Variants in GDF5 observed in about 807,000 individuals in gnomAD.
The protein encoded by GDF5 is growth differentiation factor 5.
In GDF5, 17 loss-of-function variants were observed where a neutral mutation model predicts 34.6. That is an observed-to-expected ratio of 0.49 (90% confidence interval 0.34 to 0.74). GDF5 has a LOEUF of 0.74. GDF5 is among the 30% of genes least tolerant of loss of function. GDF5 has a pLI of 0.01. For synonymous variants in GDF5, 332 were observed against 290.7 expected, an observed-to-expected ratio of 1.14 and a Z score of -1.44; for missense variants, 616 against 661.2, an observed-to-expected ratio of 0.93 and a Z score of 0.75.
At chr20:35,443,610 C>T (rs753838789) in intron 1 of GDF5, among the ~76,000 whole-genome samples, 7 of 152,036 alleles carry the variant, frequency 4.6e-5, no homozygotes, top group Admixed American at 1.3e-4. Context: ...CTCCCAGGTT[C>T]GAGCGATTCT....
intron 1 of GDF5, among the ~76,000 whole-genome samples, chr20:35,452,814 T>C (rs1176335363): frequency 2.6e-5 from 4 of 152,220 alleles, no homozygotes; most frequent in African/African-American, 9.6e-5. Flanking sequence ...GATTCATTCA[T>C]TCAATGGACA....
chr20:35,451,520 G>A (rs1306401310), intron 1 of GDF5, among the ~76,000 whole-genome samples: 1 of 150,578 alleles, frequency 6.6e-6, no homozygotes, highest in Non-Finnish European at 1.5e-5. Context: ...AGGAACACCT[G>A]TTTGTACGTC....
At chr20:35,451,311 T>C (rs1040541465) in intron 1 of GDF5, among the ~76,000 whole-genome samples, 6 of 151,726 alleles carry the variant, frequency 4.0e-5, no homozygotes, top group Non-Finnish European at 8.8e-5. Context: ...ATTTAGGATA[T>C]AAAGGAAGAA....
At chr20:35,438,667 G>C (rs1392496150), upstream of GDF5, among the ~76,000 whole-genome samples, 1 of 152,200 alleles carries the variant, frequency 6.6e-6, no homozygotes, top group Non-Finnish European at 1.5e-5. Flanking sequence ...ACCTCATGGA[G>C]CAGCCCACCC....
upstream of GDF5, among the ~76,000 whole-genome samples, chr20:35,439,785 C>T (rs911311432): frequency 2.0e-4 from 30 of 151,964 alleles, no homozygotes; most frequent in African/African-American, 6.8e-4. Context: ...TTACCTCCTT[C>T]GGGAAGCCTT....
At chr20:35,448,707 G>T (rs1422867091) in intron 1 of GDF5, among the ~76,000 whole-genome samples, 3 of 152,064 alleles carry the variant, frequency 2.0e-5, no homozygotes, top group East Asian at 1.9e-4. Flanking sequence ...ACCTCCCAAA[G>T]TGCTGGGATT....
chr20:35,453,950 A>G (rs760141260), intron 1 of GDF5: 1 of 534,532 alleles, frequency 1.9e-6, no homozygotes, highest in South Asian at 1.4e-5. Context: ...CGCTTCCTAA[A>G]ACGTGTTCCC....
rs764201187 is a variant in GDF5 at position 35,437,542 on chromosome 20, G to A, written c.387C>T (p.Pro129=). 30 of 1,614,114 alleles carry A rather than the reference G, an allele frequency of 1.9e-5. No individual in the cohort carries two copies. Among genetic ancestry groups the A allele is most frequent in the East Asian group, 6.7e-5 (3 of 44,870 alleles). ...CTGCTTTTGGGGGTGCCTTGCCTCC[G>A]GGAAGCTGTCCTTTTGGGGTCACAG... ...ARTVTPKGQL[P]GGKAPPKAGS... The change falls in exon 1 of 2, where the codon CCC becomes CCT. Residue 129 remains proline, a synonymous_variant. Transcript: ENST00000374369.
chr20:35,440,655 C>A (rs2062494840), upstream of GDF5, among the ~76,000 whole-genome samples: 1 of 152,222 alleles, frequency 6.6e-6, no homozygotes, highest in Non-Finnish European at 1.5e-5. Context: ...TTTTTGGCAG[C>A]TGAAAGTTTA....
At chr20:35,439,858 C>T (rs941716689), upstream of GDF5, among the ~76,000 whole-genome samples, 2 of 150,624 alleles carry the variant, frequency 1.3e-5, no homozygotes, top group East Asian at 2.0e-4. Context: ...ACACTTTTCA[C>T]GCTGTAAGAA....
chr20:35,444,868 C>A (rs1239926568), intron 1 of GDF5, among the ~76,000 whole-genome samples: 1 of 152,198 alleles, frequency 6.6e-6, no homozygotes, highest in East Asian at 1.9e-4. Flanking sequence ...GCTGGGATTA[C>A]AGGCATGGGC....
chr20:35,434,628 G>T lies in GDF5; in HGVS notation c.787C>A (p.Leu263Met). 6.2e-7 allele frequency: 1 copy of T among 1,606,690 alleles called. No individual in the cohort carries two copies. Among genetic ancestry groups the T allele is most frequent in the Non-Finnish European group, 8.5e-7 (1 of 1,174,834 alleles). The change falls in exon 2 of 2, where the codon CTG becomes ATG. Residue 263 changes from leucine (L) to methionine (M), a missense_variant. Coordinates refer to ENST00000374369, the MANE Select transcript of GDF5 (RefSeq NM_000557.5). ...CCGCTGGGGCAGCTGGACAGCTTCA[G>T]CTGGGCAGCCCGCCCGCCTCCGGGG... Reference protein sequence around the residue: ...AAPGGGRAAQLKLSSCPSGRQ... With the variant: ...AAPGGGRAAQMKLSSCPSGRQ...
rs889101403 is a variant in GDF5, at chr20:35,433,764, A to G, written c.*145T>C. The G allele has an allele frequency of 1.3e-6, 1 of 792,688 alleles. No individual in the cohort carries two copies. The allele number at this position is 792,688 out of a possible 1,614,324, so 49.1% of individuals were successfully genotyped here. A position where few individuals can be genotyped will look rare whatever the true frequency, so the allele number is the denominator to read the frequency against. On this transcript the variant is annotated 3_prime_UTR_variant, in exon 2 of 2. Transcript: ENST00000374369. Reference sequence around the variant, plus strand: ...GGGGCCTTTAGCCCAAGTCACACTCAGAGAGCGAGCAAGCTTATTGGAATC... The same window carrying G: ...GGGGCCTTTAGCCCAAGTCACACTCGGAGAGCGAGCAAGCTTATTGGAATC...
At chr20:35,446,090 C>T (rs2062513220) in intron 1 of GDF5, among the ~76,000 whole-genome samples, 1 of 151,936 alleles carries the variant, frequency 6.6e-6, no homozygotes, top group Non-Finnish European at 1.5e-5. Flanking sequence ...GGCAGATTAC[C>T]TGAGGTCAGG....
upstream of GDF5, among the ~76,000 whole-genome samples, chr20:35,441,971 GC>G (rs756090757): frequency 6.6e-6 from 1 of 151,984 alleles, no homozygotes; most frequent in Non-Finnish European, 1.5e-5. Context: ...CTCCCAAGTA[GC>G]TAGGACTACA....
chr20:35,437,439 G>A lies in GDF5; in HGVS notation c.490C>T (p.Pro164Ser), dbSNP rs148130255. The A allele has an allele frequency of 4.3e-6, 7 of 1,613,840 alleles. No homozygotes were observed. The African/African-American group carries it at 8.0e-5, about 18-fold the overall frequency. The change falls in exon 1 of 2, where the codon CCA (proline) becomes TCA (serine). Residue 164 changes from proline (P) to serine (S), a missense_variant. Transcript: ENST00000374369. ...TACTCGTGGGGTGTGATGGGGGGTG[G>A]GCGAAACGGCTCCTTGGGCTCTCGT... ...PPREPKEPFR[P>S]PPITPHEYML...
At chr20:35,438,824 CGTGTGTGTGTGTGT>C (rs57641919), upstream of GDF5, among the ~76,000 whole-genome samples, 12 of 126,490 alleles carry the variant, frequency 9.5e-5, no homozygotes, top group African/African-American at 2.9e-4. Context: ...ATTTGTTATG[CGTGTGTGTGTGTGT>C]GTGTGTGTGT....
intron 1 of GDF5, among the ~76,000 whole-genome samples, chr20:35,451,053 A>ATATAT (rs2062530101): frequency 3.1e-4 from 2 of 6,362 alleles, no homozygotes; most frequent in Non-Finnish European, 3.3e-4. Context: ...AAAAAAAAAA[A>ATATAT]AAAAAAAAAA....
chr20:35,443,344 G>C (rs1486594160), intron 1 of GDF5, among the ~76,000 whole-genome samples: 1 of 152,028 alleles, frequency 6.6e-6, no homozygotes. Flanking sequence ...CAATATTAAT[G>C]TCAAACTTGA....
Sources: allele counts gnomAD v4.1 joint callset (sites outside exome capture counted in the v4.1 genomes callset), GRCh38; gene constraint gnomAD v4.1.1; transcripts MANE v1.5; gene names NCBI Gene and HGNC (gene_info 2026-07-23, HGNC 2026-07-21).